PCDH11Y: variants seen among roughly 807,000 people sequenced by gnomAD.
PCDH11Y encodes protocadherin-11 Y-linked.
For synonymous variants in PCDH11Y, 9 were observed against 83.6 expected (o/e 0.11, Z 4.87); for missense variants, 12 against 224.8 (o/e 0.05, Z 6.05).
At chrY:5,437,004 T>C in intron 2 of PCDH11Y, among the ~76,000 whole-genome samples, 1 of 32,529 alleles carries the variant, frequency 3.1e-5, no homozygotes, top group Non-Finnish European at 7.6e-5. Context: ...TAAGTGGTAT[T>C]ATGTCCTTTA....
chrY:5,299,773 G>T, intron 2 of PCDH11Y, among the ~76,000 whole-genome samples: 1 of 30,595 alleles, frequency 3.3e-5, no homozygotes, highest in Admixed American at 3.1e-4. Flanking sequence ...GTTTCTACCT[G>T]CATCTCACGA....
intron 2 of PCDH11Y, among the ~76,000 whole-genome samples, chrY:5,194,867 GTCCATTTTACAGAGAGCTGATTGA>G (rs2052917080): frequency 3.0e-5 from 1 of 33,157 alleles, no homozygotes; most frequent in African/African-American, 1.2e-4. Flanking sequence ...CTGCTGATTG[GTCCATTTTACAGAGAGCTGATTGA>G]TCCATTTTAC....
intron 2 of PCDH11Y, among the ~76,000 whole-genome samples, chrY:5,386,044 G>C (rs2053214787): frequency 1.0e-3 from 34 of 33,196 alleles, no homozygotes; most frequent in Admixed American, 6.5e-3. Flanking sequence ...TGTAGTGCTG[G>C]CTTGGTAGTG....
At chrY:5,357,141 A>T in intron 2 of PCDH11Y, among the ~76,000 whole-genome samples, 1 of 27,262 alleles carries the variant, frequency 3.7e-5, no homozygotes, top group Admixed American at 3.8e-4. Flanking sequence ...GTGAGCCGAG[A>T]TCACGCCACT....
chrY:5,399,603 C>T (rs1232691339), intron 2 of PCDH11Y, among the ~76,000 whole-genome samples: 3 of 27,502 alleles, frequency 1.1e-4, no homozygotes, highest in Non-Finnish European at 1.7e-4. Context: ...AGGGTTCAAG[C>T]GATTCTCCTG....
intron 2 of PCDH11Y, among the ~76,000 whole-genome samples, chrY:5,346,520 C>T (rs2053152788): frequency 2.5e-4 from 8 of 32,086 alleles, no homozygotes; most frequent in Non-Finnish European, 5.3e-4. Flanking sequence ...TTTTTTGAAA[C>T]GGAGTCTCAC....
intron 4 of PCDH11Y, among the ~76,000 whole-genome samples, chrY:5,679,032 G>A: frequency 6.2e-5 from 2 of 32,179 alleles, no homozygotes; most frequent in African/African-American, 1.2e-4. Context: ...CGAATTGCTC[G>A]GGGTTTCTAG....
chrY:5,700,572 T>C (rs1602961808), intron 4 of PCDH11Y, among the ~76,000 whole-genome samples: 13 of 33,795 alleles, frequency 3.8e-4, no homozygotes, highest in African/African-American at 1.5e-3. Context: ...CCTATTGCCA[T>C]GTAAAACATG....
At chrY:5,234,268 A>G (rs2563222) in intron 2 of PCDH11Y, among the ~76,000 whole-genome samples, 21 of 16,589 alleles carry the variant, frequency 1.3e-3, no homozygotes, top group African/African-American at 5.1e-3. Context: ...TTTTTGAGAC[A>G]GAGTCATCTC....
chrY:5,048,863 A>G, intron 3 of PCDH11Y, among the ~76,000 whole-genome samples: 2 of 32,680 alleles, frequency 6.1e-5, no homozygotes, highest in Admixed American at 5.6e-4. Context: ...TACTCTATTG[A>G]TGGTTTCTTT....
intron 2 of PCDH11Y, among the ~76,000 whole-genome samples, chrY:5,382,356 G>A: frequency 6.0e-5 from 2 of 33,308 alleles, no homozygotes; most frequent in Non-Finnish European, 1.5e-4. Context: ...GAGTATTAAT[G>A]TAATTTGCCT....
At chrY:5,298,847 G>A (rs2053078421) in intron 2 of PCDH11Y, among the ~76,000 whole-genome samples, 1 of 32,681 alleles carries the variant, frequency 3.1e-5, no homozygotes, top group South Asian at 6.9e-4. Context: ...CTGTCATTGG[G>A]CATTGGAAAA....
At chrY:5,070,040 A>C (rs2052697405) in intron 1 of PCDH11Y, among the ~76,000 whole-genome samples, 1 of 33,350 alleles carries the variant, frequency 3.0e-5, no homozygotes, top group African/African-American at 1.2e-4. Flanking sequence ...AACAGTACAA[A>C]ATGTGCTGTC....
chrY:5,245,736 G>A, intron 2 of PCDH11Y, among the ~76,000 whole-genome samples: 4 of 33,198 alleles, frequency 1.2e-4, no homozygotes, highest in Non-Finnish European at 3.0e-4. Flanking sequence ...AGAACTGGTT[G>A]GAGGATGAGA....
At chrY:5,390,062 A>G (rs2053220008) in intron 2 of PCDH11Y, among the ~76,000 whole-genome samples, 1 of 33,706 alleles carries the variant, frequency 3.0e-5, no homozygotes, top group Non-Finnish European at 7.3e-5. Flanking sequence ...TTGAACACCA[A>G]GAGAGTCTTA....
At chrY:5,137,413 C>T (rs2052841909) in intron 2 of PCDH11Y, among the ~76,000 whole-genome samples, 1 of 28,252 alleles carries the variant, frequency 3.5e-5, no homozygotes, top group African/African-American at 1.4e-4. Context: ...AACAATACCT[C>T]ACATCTGAAT....
intron 2 of PCDH11Y, among the ~76,000 whole-genome samples, chrY:5,485,023 A>G: frequency 3.0e-5 from 1 of 33,208 alleles, no homozygotes; most frequent in Non-Finnish European, 7.4e-5. Flanking sequence ...GTCAGAGTGA[A>G]CTTCTTGCAC....
Position 5,150,259 on chromosome Y carries a change from A to C in PCDH11Y, c.3129+49552A>C. On this transcript the variant is annotated intron_variant, in intron 2 of 4. Coordinates refer to the PCDH11Y transcript ENST00000400457. ...GCAATACATATAATGTATAGTGATCAGATCAGGGTCATTAGCATATTTATA... is the reference window on the plus strand; with the variant it reads ...GCAATACATATAATGTATAGTGATCCGATCAGGGTCATTAGCATATTTATA... Among the ~76,000 whole-genome samples the C allele has an allele frequency of 9.1e-5, 3 of 33,008 alleles. No individual in the cohort carries two copies. In the East Asian group the frequency reaches 2.4e-3, roughly 27 times the overall value. The allele number at this position is 33,008 out of a possible 37,273, so 88.6% of individuals were successfully genotyped here. A position where few individuals can be genotyped will look rare whatever the true frequency, so the allele number is the denominator to read the frequency against.
rs200317053 is a variant in PCDH11Y at position 5,218,262 on chromosome Y, C to T, written c.3129+117555C>T. Among the ~76,000 whole-genome samples, 225 of 32,599 alleles carry T rather than the reference C, an allele frequency of 6.9e-3. No homozygotes were observed. In the East Asian group the frequency reaches 0.17, roughly 24 times the overall value. The allele number at this position is 32,599 out of a possible 37,273, so 87.5% of individuals were successfully genotyped here. On this transcript the variant is annotated intron_variant, in intron 2 of 4. Transcript: ENST00000400457. Reference sequence around the variant, plus strand: ...TTTAGAACTGATGAAATTAGAAAAACCTAATTTTCTCAGGGCCTGAAAATC... The same window carrying T: ...TTTAGAACTGATGAAATTAGAAAAATCTAATTTTCTCAGGGCCTGAAAATC...
Sources: gnomAD v4.1 joint callset for allele counts (sites outside exome capture counted in the v4.1 genomes callset) on GRCh38, gnomAD v4.1.1 for gene constraint, MANE v1.5 for transcripts, NCBI Gene and HGNC (gene_info 2026-07-23, HGNC 2026-07-21) for gene names.